The following NGLY1 variants were observed in gnomAD, a reference collection of about 807,000 sequenced individuals.
NGLY1 encodes the protein N-glycanase 1.
Under a neutral mutation model 84.6 loss-of-function variants are expected in NGLY1, and 68 were observed. The ratio of observed to expected loss-of-function variants is 0.80; its 90% confidence interval spans 0.66 to 0.98. NGLY1 has a LOEUF of 0.98. Among genes scored for constraint, NGLY1 ranks in the 50% least tolerant of loss-of-function variants. The pLI, the probability that NGLY1 is intolerant of heterozygous loss-of-function variation, is 0.00. For synonymous variants in NGLY1, 280 were observed against 275.2 expected (o/e 1.02, Z -0.17); for missense variants, 779 against 770.2 (o/e 1.01, Z -0.14).
chr3:25,765,542 T>C (rs566240544), intron 2 of NGLY1, among the ~76,000 whole-genome samples: 4 of 150,326 alleles, frequency 2.7e-5, no homozygotes, highest in Non-Finnish European at 5.9e-5. Context: ...AAATCGACAA[T>C]ATTACTGTAT....
intron 1 of NGLY1, among the ~76,000 whole-genome samples, chr3:25,789,523 TA>T (rs1708676185): frequency 1.3e-5 from 2 of 152,172 alleles, no homozygotes. Flanking sequence ...AAAACGGATA[TA>T]TACTGTTTTG....
chr3:25,785,680 A>C (rs1371579185), upstream of NGLY1, among the ~76,000 whole-genome samples: 4 of 146,776 alleles, frequency 2.7e-5, no homozygotes, highest in Non-Finnish European at 4.5e-5. Context: ...CAAAAAAAAA[A>C]CAAAAACAAA....
chr3:25,778,555 A>C lies in NGLY1; in HGVS notation c.246+19T>G. The C allele has an allele frequency of 1.4e-6, 2 of 1,446,220 alleles. No individual in the cohort carries two copies. The highest frequency in any genetic ancestry group is 1.8e-4 in the Middle Eastern group (1 of 5,682). The allele number at this position is 1,446,220 out of a possible 1,614,324, so 89.6% of individuals were successfully genotyped here. On this transcript the variant is annotated intron_variant, in intron 2 of 11. Coordinates refer to ENST00000280700, the MANE Select transcript of NGLY1 (RefSeq NM_018297.4). ...CTTTGTGCATGAAGAGGGGAGAGGA[A>C]ATCCTTGAACATACTTACCTCTTCA... is the stretch of plus-strand genomic sequence containing the variant.
intron 3 of NGLY1, among the ~76,000 whole-genome samples, chr3:25,757,000 C>T (rs1689458721): frequency 6.6e-6 from 1 of 152,152 alleles, no homozygotes; most frequent in Admixed American, 6.6e-5. Flanking sequence ...TTAAGTTCAA[C>T]ATATATTTGC....
At chr3:25,754,953 AG>A (rs1194320372) in intron 3 of NGLY1, 6 of 740,568 alleles carry the variant, frequency 8.1e-6, no homozygotes, top group Admixed American at 1.8e-5. Context: ...GCACTTCCCA[AG>A]AACGCTCCTA....
chr3:25,767,270 C>T (rs142581565), intron 2 of NGLY1, among the ~76,000 whole-genome samples: 2,437 of 147,838 alleles, frequency 0.016, 68 homozygotes, highest in African/African-American at 0.058. Context: ...CCAGCCTGGG[C>T]GATAGAACTA....
At chr3:25,738,799 C>G (rs1705974690) in intron 5 of NGLY1, among the ~76,000 whole-genome samples, 6 of 151,936 alleles carry the variant, frequency 3.9e-5, no homozygotes, top group Admixed American at 3.9e-4. Context: ...TGATTAGAAA[C>G]TATGTCCTAA....
intron 2 of NGLY1, among the ~76,000 whole-genome samples, chr3:25,767,813 A>C (rs1707663611): frequency 6.6e-6 from 1 of 152,126 alleles, no homozygotes; most frequent in South Asian, 2.1e-4. Flanking sequence ...TACAAAAATC[A>C]AATCAAGATG....
chr3:25,790,009 A>G (rs1010377137), exon 1 of NGLY1: 9 of 1,011,636 alleles, frequency 8.9e-6, no homozygotes, highest in Non-Finnish European at 1.2e-5. Flanking sequence ...CGGCGGAAAG[A>G]GAGTCGAACG....
intron 10 of NGLY1, among the ~76,000 whole-genome samples, chr3:25,726,513 G>A (rs1401652364): frequency 2.0e-5 from 3 of 152,214 alleles, no homozygotes; most frequent in Non-Finnish European, 4.4e-5. Context: ...CTTGGGCCAA[G>A]TGGTAAGGTT....
At chr3:25,768,846 G>A (rs1188245696) in intron 2 of NGLY1, among the ~76,000 whole-genome samples, 1 of 151,732 alleles carries the variant, frequency 6.6e-6, no homozygotes, top group African/African-American at 2.4e-5. Context: ...CTGGCCTCAT[G>A]AGTAAGACTT....
chr3:25,731,503 A>C (rs1705534105), intron 9 of NGLY1, among the ~76,000 whole-genome samples: 1 of 152,168 alleles, frequency 6.6e-6, no homozygotes, highest in African/African-American at 2.4e-5. Context: ...GTGAGAGTAT[A>C]AGCTGGCATA....
intron 10 of NGLY1, among the ~76,000 whole-genome samples, chr3:25,723,916 C>T (rs894246392): frequency 5.9e-5 from 9 of 152,184 alleles, no homozygotes; most frequent in Admixed American, 5.2e-4. Context: ...CCCCTCCTCC[C>T]ACCAGTGACC....
At chr3:25,789,577 A>T (rs547058709) in intron 1 of NGLY1, among the ~76,000 whole-genome samples, 90 of 152,332 alleles carry the variant, frequency 5.9e-4, no homozygotes, top group Non-Finnish European at 8.8e-4. Flanking sequence ...CTCATTAATA[A>T]ATATTCACCT....
chr3:25,746,148 C>T (rs1450813339), intron 4 of NGLY1, among the ~76,000 whole-genome samples: 9 of 152,126 alleles, frequency 5.9e-5, no homozygotes, highest in Admixed American at 5.2e-4. Flanking sequence ...ACACCCTACC[C>T]TACACACAGT....
chr3:25,760,716 C>T (rs1707272310), intron 3 of NGLY1, among the ~76,000 whole-genome samples: 3 of 151,958 alleles, frequency 2.0e-5, no homozygotes, highest in East Asian at 1.9e-4. Flanking sequence ...TAAAACTAGC[C>T]AGACGTGGTG....
At chr3:25,755,198 C>A in intron 3 of NGLY1, 1 of 1,351,502 alleles carries the variant, frequency 7.4e-7, no homozygotes, top group Non-Finnish European at 1.1e-6. Flanking sequence ...AGGTTTCTTA[C>A]TGGATATTGC....
chr3:25,756,831 C>T (rs759889284), intron 3 of NGLY1, among the ~76,000 whole-genome samples: 25 of 152,110 alleles, frequency 1.6e-4, no homozygotes, highest in Non-Finnish European at 3.2e-4. Context: ...ACTAGTGTGG[C>T]GTGATGTGAC....
intron 3 of NGLY1, among the ~76,000 whole-genome samples, chr3:25,760,209 C>T (rs956904629): frequency 6.6e-6 from 1 of 151,894 alleles, no homozygotes; most frequent in Non-Finnish European, 1.5e-5. Context: ...ACTCAGAGTA[C>T]ATTATGGTTA....
Sources: allele counts gnomAD v4.1 joint callset (sites outside exome capture counted in the v4.1 genomes callset), GRCh38; gene constraint gnomAD v4.1.1; transcripts MANE v1.5; gene names NCBI Gene and HGNC (gene_info 2026-07-23, HGNC 2026-07-21).